ACER2: variants seen among roughly 807,000 people sequenced by gnomAD.
ACER2 encodes alkaline ceramidase 2, also known as alkCDase 2.
ACER2 carries 26 observed loss-of-function variants against 34.7 expected under a neutral mutation model. That is an observed-to-expected ratio of 0.75 (90% CI 0.55 to 1.04). The LOEUF (loss-of-function observed/expected upper bound fraction) is 1.04. Ranked by LOEUF, ACER2 falls within the 50% of genes least tolerant of loss-of-function variation. ACER2 has a pLI of 0.00. For missense variants in ACER2, 352 were observed against 340.8 expected (o/e 1.03, Z -0.26); for synonymous variants, 138 against 132.1 (o/e 1.04, Z -0.31).
intron 5 of ACER2, 185 bp from the exon 6 acceptor site, chr9:19,450,265 G>A (rs1262281721): frequency 1.0e-6 from 1 of 985,304 alleles, no homozygotes; most frequent in Non-Finnish European, 1.2e-6. Flanking sequence ...AATTGCTGAA[G>A]ATTTATCATC....
chr9:19,423,736 A>G lies in ACER2; in HGVS notation c.109-126A>G, dbSNP rs1399202881. On this transcript the variant is annotated intron_variant, in intron 1 of 5. Coordinates refer to ENST00000340967, the MANE Select transcript of ACER2 (RefSeq NM_001010887.3). ...AGAGAAAAGAAAAAGAAAAAGTGCA[A>G]GAGCTTAAACGAGATGTGTGACCAC... 5.7e-6 allele frequency: 4 copies of G among 705,268 alleles called. No individual in the cohort carries two copies. The Admixed American group carries it at 9.1e-5, about 16-fold the overall frequency. 43.7% of individuals were successfully genotyped at this position (705,268 alleles called of 1,614,324 possible).
chr9:19,446,406 T>C lies in ACER2; in HGVS notation c.629T>C (p.Leu210Pro). 5.0e-6 allele frequency: 8 copies of C among 1,614,176 alleles called. No individual in the cohort carries two copies. The highest frequency in any genetic ancestry group is 6.8e-6 in the Non-Finnish European group (8 of 1,180,024). ...CTGTCATCCTTCAACTTCCCCTACCTGCACTGCATGTGGTAAGCCCCTGCT... is the reference window on the plus strand; with the variant it reads ...CTGTCATCCTTCAACTTCCCCTACCCGCACTGCATGTGGTAAGCCCCTGCT... ...ELLSSFNFPYLHCMWHILICL... is the reference protein window; with the variant it reads ...ELLSSFNFPYPHCMWHILICL... The change falls in exon 5 of 6, where the codon CTG (leucine) becomes CCG (proline). Residue 210 changes from leucine to proline, a missense_variant. Leu to Pro is a moderately conservative substitution (Grantham distance 98). Coordinates refer to ENST00000340967, the MANE Select transcript of ACER2 (RefSeq NM_001010887.3).
At chr9:19,424,023 G>C in intron 2 of ACER2, 47 bp downstream of exon 2, 1 of 1,385,520 alleles carries the variant, frequency 7.2e-7, no homozygotes. Context: ...GTGGTGGGAT[G>C]GGGGTAGAAG....
At chr9:19,418,485 G>A (rs1170726116) in intron 1 of ACER2, among the ~76,000 whole-genome samples, 3 of 152,130 alleles carry the variant, frequency 2.0e-5, no homozygotes, top group African/African-American at 7.2e-5. Flanking sequence ...AAGAAAATGT[G>A]GCACATACAC....
At chr9:19,425,777 A>G (rs984661220) in intron 3 of ACER2, among the ~76,000 whole-genome samples, 1 of 152,214 alleles carries the variant, frequency 6.6e-6, no homozygotes, top group African/African-American at 2.4e-5. Context: ...CCTGGAACAC[A>G]TTACCCACAT....
chr9:19,441,241 G>A (rs1241320756), intron 4 of ACER2, among the ~76,000 whole-genome samples: 4 of 151,862 alleles, frequency 2.6e-5, no homozygotes, highest in South Asian at 4.2e-4. Flanking sequence ...AGTAGAGATG[G>A]GGTTTCACCA....
At chr9:19,434,372 G>A (rs1348546560) in intron 3 of ACER2, among the ~76,000 whole-genome samples, 1 of 152,204 alleles carries the variant, frequency 6.6e-6, no homozygotes, top group Admixed American at 6.5e-5. Context: ...AGACGGGGTG[G>A]CGGCCGGGCA....
At position 19,451,909 on chromosome 9, in the gene ACER2, G is replaced by C. The variant is rs1031446035; in HGVS notation, c.*1273G>C. On this transcript the variant is annotated 3_prime_UTR_variant, in exon 6 of 6. Transcript: ENST00000340967. ...CATGTTCTTCACGCTTGCAGTAGAA[G>C]GTGCTTTCTCGGTTTCCCAGAGTAT... The C allele has an allele frequency of 6.6e-6, 1 of 152,090 alleles. No homozygotes were observed. Among genetic ancestry groups the C allele is most frequent in the Admixed American group, 6.6e-5 (1 of 15,156 alleles). 9.4% of individuals were successfully genotyped at this position (152,090 alleles called of 1,614,324 possible).
intron 1 of ACER2, among the ~76,000 whole-genome samples, chr9:19,421,256 A>G (rs975810782): frequency 1.3e-5 from 2 of 152,232 alleles, no homozygotes; most frequent in Non-Finnish European, 2.9e-5. Flanking sequence ...TTTGTTGCAA[A>G]TAATGATACT....
intron 3 of ACER2, among the ~76,000 whole-genome samples, chr9:19,428,450 G>T: frequency 6.6e-6 from 1 of 152,128 alleles, no homozygotes; most frequent in Non-Finnish European, 1.5e-5. Context: ...TTACAGGTAT[G>T]AGCCACCATA....
chr9:19,449,860 C>T (rs1432837247), intron 5 of ACER2, among the ~76,000 whole-genome samples: 1 of 147,220 alleles, frequency 6.8e-6, no homozygotes, highest in Admixed American at 6.8e-5. Context: ...CCATTGCACT[C>T]CAGCCTGGAT....
At chr9:19,445,477 G>C (rs893298173) in intron 4 of ACER2, among the ~76,000 whole-genome samples, 2 of 152,206 alleles carry the variant, frequency 1.3e-5, no homozygotes, top group Non-Finnish European at 2.9e-5. Context: ...GAGGGAAGGA[G>C]GCCTTAGGGA....
chr9:19,413,099 G>A (rs964790047), intron 1 of ACER2, among the ~76,000 whole-genome samples: 1 of 152,180 alleles, frequency 6.6e-6, no homozygotes, highest in Non-Finnish European at 1.5e-5. Flanking sequence ...GACTTCCACT[G>A]ACAATGTTTG....
intron 3 of ACER2, among the ~76,000 whole-genome samples, chr9:19,431,661 GA>G (rs1455519513): frequency 1.3e-5 from 2 of 152,258 alleles, no homozygotes; most frequent in East Asian, 3.9e-4. Flanking sequence ...GAGGCCAGGA[GA>G]AAAACATGCC....
At chr9:19,449,471 G>T (rs1831486400) in intron 5 of ACER2, among the ~76,000 whole-genome samples, 1 of 152,096 alleles carries the variant, frequency 6.6e-6, no homozygotes, top group Non-Finnish European at 1.5e-5. Context: ...TAATATTTTT[G>T]TGCCATACTG....
rs544766277 is a variant in ACER2 at position 19,445,719 on chromosome 9, G to T, written c.504-562G>T. Among the ~76,000 whole-genome samples, 4 of 152,300 alleles carry T rather than the reference G, an allele frequency of 2.6e-5. No individual in the cohort carries two copies. In the East Asian group the frequency reaches 7.7e-4, roughly 29 times the overall value. ...TGAGAGGGAAGAGTACACACGAGAGGAGGTGAAGGGGAAAAGGGAAGATCA... is the reference window on the plus strand; with the variant it reads ...TGAGAGGGAAGAGTACACACGAGAGTAGGTGAAGGGGAAAAGGGAAGATCA... On this transcript the variant is annotated intron_variant, in intron 4 of 5. Coordinates refer to ENST00000340967, the MANE Select transcript of ACER2 (RefSeq NM_001010887.3).
intron 3 of ACER2, among the ~76,000 whole-genome samples, chr9:19,433,455 G>C (rs1281574571): frequency 6.6e-6 from 1 of 151,960 alleles, no homozygotes; most frequent in Non-Finnish European, 1.5e-5. Context: ...ATGTTTCAGA[G>C]AGCACAGGGT....
chr9:19,445,669 C>A (rs949986534), intron 4 of ACER2, among the ~76,000 whole-genome samples: 6 of 152,218 alleles, frequency 3.9e-5, no homozygotes, highest in African/African-American at 1.4e-4. Context: ...CAGCACAAAT[C>A]CTGCAGTGGC....
At chr9:19,424,270 G>A in intron 2 of ACER2, 1 of 747,788 alleles carries the variant, frequency 1.3e-6, no homozygotes. Flanking sequence ...ACTCTGGGGA[G>A]GCTGGTTTCT....
Sources: allele counts gnomAD v4.1 joint callset (sites outside exome capture counted in the v4.1 genomes callset), GRCh38; gene constraint gnomAD v4.1.1; transcripts MANE v1.5; gene names NCBI Gene and HGNC (gene_info 2026-07-23, HGNC 2026-07-21).